The following FBXW4 variants were observed in gnomAD, a reference collection of about 807,000 sequenced individuals.
FBXW4 encodes the protein F-box/WD repeat-containing protein 4.
Under a neutral mutation model 61.8 loss-of-function variants are expected in FBXW4, and 40 were observed. That is an observed-to-expected ratio of 0.65 (90% CI 0.50 to 0.84). The LOEUF (loss-of-function observed/expected upper bound fraction) is 0.84. FBXW4 is among the 40% of genes least tolerant of loss of function. The pLI is 0.00. For missense variants in FBXW4, 672 were observed against 753.8 expected (o/e 0.89, Z 1.27); for synonymous variants, 311 against 313.8 (o/e 0.99, Z 0.10).
At chr10:101,635,544 G>C (rs1438186925) in intron 5 of FBXW4, among the ~76,000 whole-genome samples, 2 of 152,098 alleles carry the variant, frequency 1.3e-5, no homozygotes, top group Admixed American at 6.5e-5. Context: ...ATTAAAAGAG[G>C]TGATGGGAGG....
At chr10:101,691,299 A>G (rs1205434645) in intron 1 of FBXW4, among the ~76,000 whole-genome samples, 2 of 152,120 alleles carry the variant, frequency 1.3e-5, no homozygotes, top group African/African-American at 4.8e-5. Context: ...TCAGTGGCTT[A>G]TTAAGTCTCT....
At chr10:101,637,496 C>T (rs1050896069) in intron 5 of FBXW4, among the ~76,000 whole-genome samples, 1 of 149,610 alleles carries the variant, frequency 6.7e-6, no homozygotes, top group African/African-American at 2.5e-5. Context: ...TCACTTGAGG[C>T]TAGGAGTTCA....
chr10:101,625,841 TA>T (rs1235184035), intron 5 of FBXW4: 1 of 152,244 alleles, frequency 6.6e-6, no homozygotes, highest in Non-Finnish European at 1.5e-5. Flanking sequence ...GACATACTAA[TA>T]ACACATTAGC....
chr10:101,676,998 A>G (rs1365240957), intron 1 of FBXW4, among the ~76,000 whole-genome samples: 2 of 152,224 alleles, frequency 1.3e-5, no homozygotes, highest in Non-Finnish European at 2.9e-5. Flanking sequence ...AAAGATTCAC[A>G]GAATGTATAT....
intron 5 of FBXW4, among the ~76,000 whole-genome samples, chr10:101,643,895 A>C (rs1242010141): frequency 6.6e-6 from 1 of 152,026 alleles, no homozygotes; most frequent in Non-Finnish European, 1.5e-5. Flanking sequence ...TCTCTCCTCA[A>C]AGCTAAAATG....
At chr10:101,632,534 A>T (rs903985661) in intron 5 of FBXW4, among the ~76,000 whole-genome samples, 4 of 152,192 alleles carry the variant, frequency 2.6e-5, no homozygotes, top group African/African-American at 9.7e-5. Context: ...GAGGTTTCTG[A>T]TTCACTCAAG....
chr10:101,667,842 A>T, intron 5 of FBXW4, 44 bp downstream of exon 5: 1 of 1,493,928 alleles, frequency 6.7e-7, no homozygotes, highest in African/African-American at 1.4e-5. Context: ...AAATAAAAGC[A>T]TTATTATACA....
intron 1 of FBXW4, among the ~76,000 whole-genome samples, chr10:101,680,880 A>G (rs2064467389): frequency 6.6e-6 from 1 of 152,254 alleles, no homozygotes; most frequent in African/African-American, 2.4e-5. Context: ...CTGCAGCTAT[A>G]TATTAGAGCT....
chr10:101,670,295 T>C (rs1319389009), intron 4 of FBXW4, among the ~76,000 whole-genome samples: 1 of 152,262 alleles, frequency 6.6e-6, no homozygotes, highest in Non-Finnish European at 1.5e-5. Context: ...AGTTGCTACT[T>C]ATTATCTTTG....
intron 5 of FBXW4, among the ~76,000 whole-genome samples, chr10:101,628,824 G>T (rs1402635851): frequency 6.6e-6 from 1 of 152,174 alleles, no homozygotes; most frequent in African/African-American, 2.4e-5. Context: ...AAGTCATTTT[G>T]ACTCCATAAG....
At chr10:101,617,228 G>A (rs888651968) in intron 6 of FBXW4, among the ~76,000 whole-genome samples, 14 of 152,262 alleles carry the variant, frequency 9.2e-5, no homozygotes, top group African/African-American at 2.9e-4. Flanking sequence ...AAATGAAGGC[G>A]CAGGGGTCAC....
intron 1 of FBXW4, among the ~76,000 whole-genome samples, chr10:101,677,196 A>G (rs1000519903): frequency 6.6e-6 from 1 of 152,216 alleles, no homozygotes; most frequent in Non-Finnish European, 1.5e-5. Flanking sequence ...GAATAACCTT[A>G]GAGAAACAAA....
At chr10:101,614,528 G>T (rs943180261) in intron 6 of FBXW4, among the ~76,000 whole-genome samples, 2 of 152,304 alleles carry the variant, frequency 1.3e-5, no homozygotes, top group African/African-American at 4.8e-5. Flanking sequence ...CCTGCCCTCG[G>T]GGGGAGAGCC....
At chr10:101,616,491 T>C (rs1197149835) in intron 6 of FBXW4, among the ~76,000 whole-genome samples, 1 of 152,166 alleles carries the variant, frequency 6.6e-6, no homozygotes, top group African/African-American at 2.4e-5. Flanking sequence ...AGTTGGTAGG[T>C]ACCACAGAGA....
intron 5 of FBXW4, among the ~76,000 whole-genome samples, chr10:101,637,893 T>C (rs2064018420): frequency 6.6e-6 from 1 of 152,026 alleles, no homozygotes; most frequent in Admixed American, 6.6e-5. Flanking sequence ...TATTTTATAC[T>C]CACTCCCCAA....
At chr10:101,652,944 T>C (rs1353019443) in intron 5 of FBXW4, among the ~76,000 whole-genome samples, 3 of 152,186 alleles carry the variant, frequency 2.0e-5, no homozygotes, top group African/African-American at 7.2e-5. Context: ...CCTTTGGTGC[T>C]AATCCCTCAC....
intron 5 of FBXW4, among the ~76,000 whole-genome samples, chr10:101,636,213 T>C (rs1375505011): frequency 6.6e-6 from 1 of 151,404 alleles, no homozygotes; most frequent in Non-Finnish European, 1.5e-5. Flanking sequence ...GAAAATTAGC[T>C]GGGGGTGGTG....
intron 5 of FBXW4, among the ~76,000 whole-genome samples, chr10:101,656,294 G>T (rs1470326127): frequency 6.6e-6 from 1 of 152,082 alleles, no homozygotes; most frequent in Non-Finnish European, 1.5e-5. Flanking sequence ...CTATTGGCCA[G>T]TATCCCCAAA....
At chr10:101,624,880 G>A (rs1377708256) in intron 5 of FBXW4, 70 bp from the exon 6 acceptor site, 2 of 1,525,920 alleles carry the variant, frequency 1.3e-6, no homozygotes, top group Non-Finnish European at 1.8e-6. Flanking sequence ...GCTAACAATG[G>A]GAAATGCCGT....
Sources: allele counts gnomAD v4.1 joint callset (sites outside exome capture counted in the v4.1 genomes callset), GRCh38; gene constraint gnomAD v4.1.1; transcripts MANE v1.5; gene names NCBI Gene and HGNC (gene_info 2026-07-23, HGNC 2026-07-21).